The following SLC24A3 variants were observed in gnomAD, a reference collection of about 807,000 sequenced individuals.
The protein encoded by SLC24A3 is sodium/potassium/calcium exchanger 3.
In SLC24A3, 28 loss-of-function variants were observed where a neutral mutation model predicts 75.8. The observed-to-expected ratio is 0.37, with a 90% CI of 0.27 to 0.51. SLC24A3 has a LOEUF of 0.51. Ranked by LOEUF, SLC24A3 falls within the 20% of genes least tolerant of loss-of-function variation. The pLI is 0.94. For missense variants in SLC24A3, 663 were observed against 847.8 expected (o/e 0.78, Z 2.71); for synonymous variants, 372 against 334.1 (o/e 1.11, Z -1.24).
intron 6 of SLC24A3, among the ~76,000 whole-genome samples, chr20:19,595,868 C>A (rs962267307): frequency 1.3e-5 from 2 of 152,040 alleles, no homozygotes; most frequent in African/African-American, 4.8e-5. Context: ...TCAAAGAAAC[C>A]CCAAATCATG....
At chr20:19,582,461 T>C (rs2031231514) in intron 4 of SLC24A3, among the ~76,000 whole-genome samples, 1 of 152,096 alleles carries the variant, frequency 6.6e-6, no homozygotes, top group African/African-American at 2.4e-5. Context: ...TCAAATACTT[T>C]AAAGTTAAAA....
intron 2 of SLC24A3, among the ~76,000 whole-genome samples, chr20:19,448,249 A>G (rs917677988): frequency 2.6e-5 from 4 of 152,244 alleles, no homozygotes; most frequent in African/African-American, 9.6e-5. Flanking sequence ...TTATTTTCGC[A>G]TTACTAAGAA....
At chr20:19,248,982 G>C (rs930452967) in intron 1 of SLC24A3, among the ~76,000 whole-genome samples, 2 of 151,248 alleles carry the variant, frequency 1.3e-5, no homozygotes, top group Non-Finnish European at 2.9e-5. Flanking sequence ...CCAGAGGCTG[G>C]GGAGTGGAAG....
At chr20:19,720,294 G>A (rs2033090250) in intron 16 of SLC24A3, among the ~76,000 whole-genome samples, 1 of 152,218 alleles carries the variant, frequency 6.6e-6, no homozygotes, top group Non-Finnish European at 1.5e-5. Flanking sequence ...ACTTGATGGG[G>A]CAGGGTGTTG....
intron 2 of SLC24A3, among the ~76,000 whole-genome samples, chr20:19,315,650 C>G (rs543393034): frequency 1.3e-5 from 2 of 152,278 alleles, no homozygotes; most frequent in East Asian, 3.9e-4. Context: ...AGGTCATGAT[C>G]AAGAACACAG....
At chr20:19,651,245 T>A (rs2032198129) in intron 6 of SLC24A3, among the ~76,000 whole-genome samples, 1 of 151,602 alleles carries the variant, frequency 6.6e-6, no homozygotes, top group Non-Finnish European at 1.5e-5. Context: ...CTTTTCTCAT[T>A]TTTAATTAAT....
intron 2 of SLC24A3, among the ~76,000 whole-genome samples, chr20:19,487,216 T>C (rs1166581753): frequency 2.0e-5 from 3 of 152,138 alleles, no homozygotes; most frequent in African/African-American, 7.2e-5. Flanking sequence ...GCCTCTTGAA[T>C]TGAATTAAAT....
chr20:19,491,571 G>A (rs1360089561), intron 2 of SLC24A3, among the ~76,000 whole-genome samples: 1 of 152,146 alleles, frequency 6.6e-6, no homozygotes, highest in African/African-American at 2.4e-5. Context: ...CAGGCACTGA[G>A]TGGCGCTGCC....
intron 2 of SLC24A3, among the ~76,000 whole-genome samples, chr20:19,289,109 G>A (rs2122233278): frequency 6.6e-6 from 1 of 152,172 alleles, no homozygotes; most frequent in South Asian, 2.1e-4. Flanking sequence ...CCCCCAGGTG[G>A]TGCCTGTGCC....
At chr20:19,631,234 A>G (rs1205186584) in intron 6 of SLC24A3, among the ~76,000 whole-genome samples, 1 of 152,186 alleles carries the variant, frequency 6.6e-6, no homozygotes, top group Admixed American at 6.5e-5. Flanking sequence ...GTAGTACCAC[A>G]TGTAGACCCA....
chr20:19,669,654 A>T (rs376274947), intron 8 of SLC24A3, among the ~76,000 whole-genome samples: 2 of 152,124 alleles, frequency 1.3e-5, no homozygotes, highest in East Asian at 3.9e-4. Flanking sequence ...ACGCAGGGCG[A>T]TGGTTTGGTT....
intron 3 of SLC24A3, among the ~76,000 whole-genome samples, chr20:19,558,297 A>G (rs1049065972): frequency 2.0e-5 from 3 of 152,062 alleles, no homozygotes; most frequent in African/African-American, 4.8e-5. Context: ...GCTGGGGTGC[A>G]GTGGTGTAAG....
chr20:19,416,422 T>A (rs978285213), intron 2 of SLC24A3, among the ~76,000 whole-genome samples: 5 of 152,078 alleles, frequency 3.3e-5, no homozygotes, highest in Non-Finnish European at 5.9e-5. Context: ...CTAACTAAAA[T>A]CCTTTCAATA....
At chr20:19,429,725 G>C (rs549838428) in intron 2 of SLC24A3, among the ~76,000 whole-genome samples, 1 of 152,096 alleles carries the variant, frequency 6.6e-6, no homozygotes, top group Non-Finnish European at 1.5e-5. Flanking sequence ...ATGGTCATCC[G>C]AGAGGGCCAT....
chr20:19,434,303 G>A (rs6136727), intron 2 of SLC24A3, among the ~76,000 whole-genome samples: 65,117 of 152,020 alleles, frequency 0.43, 14,439 homozygotes, highest in East Asian at 0.82. Context: ...TGATCACTCC[G>A]CAGCGAGGGC....
At chr20:19,462,366 T>C (rs1987693159) in intron 2 of SLC24A3, among the ~76,000 whole-genome samples, 1 of 151,798 alleles carries the variant, frequency 6.6e-6, no homozygotes, top group Admixed American at 6.6e-5. Context: ...TTCACGCCAT[T>C]CTCCTGCCTC....
chr20:19,265,364 T>G (rs1983134038), intron 1 of SLC24A3, among the ~76,000 whole-genome samples: 1 of 152,226 alleles, frequency 6.6e-6, no homozygotes, highest in African/African-American at 2.4e-5. Flanking sequence ...TGAGAGGCTC[T>G]GTGTTCATGG....
intron 2 of SLC24A3, among the ~76,000 whole-genome samples, chr20:19,489,623 A>G (rs951026177): frequency 2.0e-5 from 3 of 152,296 alleles, no homozygotes; most frequent in Middle Eastern, 6.8e-3. Context: ...ACATTCCAGT[A>G]TATGACCAGC....
At chr20:19,436,731 C>T (rs1020225704) in intron 2 of SLC24A3, among the ~76,000 whole-genome samples, 2 of 152,200 alleles carry the variant, frequency 1.3e-5, no homozygotes, top group African/African-American at 4.8e-5. Flanking sequence ...ATGGGACTCT[C>T]TCCCCATCTC....
Sources: gnomAD v4.1 joint callset for allele counts (sites outside exome capture counted in the v4.1 genomes callset) on GRCh38, gnomAD v4.1.1 for gene constraint, MANE v1.5 for transcripts, NCBI Gene and HGNC (gene_info 2026-07-23, HGNC 2026-07-21) for gene names.